CLUAP1: variants seen among roughly 807,000 people sequenced by gnomAD.
CLUAP1 encodes intraflagellar transport 38, also known as clusterin-associated protein 1.
A neutral mutation model predicts 55.0 loss-of-function variants in CLUAP1; 50 were observed. The observed-to-expected ratio is 0.91, with a 90% CI of 0.72 to 1.15. CLUAP1 has a LOEUF of 1.15. Ranked by LOEUF, CLUAP1 falls within the 50% of genes most tolerant of loss-of-function variation. CLUAP1 has a pLI of 0.00. For synonymous variants in CLUAP1, 195 were observed against 175.4 expected, an observed-to-expected ratio of 1.11 and a Z score of -0.88; for missense variants, 530 against 507.6, an observed-to-expected ratio of 1.04 and a Z score of -0.42.
chr16:3,530,057 A>G (rs1454396937), intron 9 of CLUAP1, among the ~76,000 whole-genome samples: 1 of 149,730 alleles, frequency 6.7e-6, no homozygotes, highest in African/African-American at 2.5e-5. Context: ...CCCAAGATCA[A>G]GGAGCTGCAT....
intron 6 of CLUAP1, among the ~76,000 whole-genome samples, chr16:3,517,425 A>G (rs1030767158): frequency 1.3e-4 from 20 of 151,160 alleles, no homozygotes; most frequent in East Asian, 9.7e-4. Context: ...TCGTGCCTCA[A>G]CCTCCCAAAT....
intron 6 of CLUAP1, among the ~76,000 whole-genome samples, chr16:3,515,877 TTTTG>T (rs139465484): frequency 6.6e-6 from 1 of 152,370 alleles, no homozygotes; most frequent in East Asian, 1.9e-4. Flanking sequence ...CTCTATTTTA[TTTTG>T]TTTAACCAAT....
chr16:3,513,143 C>G (rs926579569), intron 5 of CLUAP1, among the ~76,000 whole-genome samples: 1 of 152,178 alleles, frequency 6.6e-6, no homozygotes, highest in African/African-American at 2.4e-5. Context: ...TGCAGTTCCC[C>G]GACCTTGCTG....
chr16:3,527,728 T>G (rs2037974343), intron 9 of CLUAP1, among the ~76,000 whole-genome samples: 1 of 152,100 alleles, frequency 6.6e-6, no homozygotes, highest in Non-Finnish European at 1.5e-5. Flanking sequence ...GCCTTTTAGA[T>G]AGTAGTAGCA....
At chr16:3,518,278 G>A (rs1212101051) in intron 6 of CLUAP1, among the ~76,000 whole-genome samples, 4 of 152,116 alleles carry the variant, frequency 2.6e-5, no homozygotes, top group African/African-American at 4.8e-5. Context: ...AGGTGAACAC[G>A]GCATGAATGT....
upstream of CLUAP1, among the ~76,000 whole-genome samples, chr16:3,498,333 C>T (rs1229986286): frequency 9.9e-4 from 151 of 152,144 alleles, no homozygotes; most frequent in Non-Finnish European, 8.8e-5. Context: ...CTAATCTCTT[C>T]TGGAAACGCT....
chr16:3,499,113 C>T (rs2037341378), upstream of CLUAP1, among the ~76,000 whole-genome samples: 1 of 152,268 alleles, frequency 6.6e-6, no homozygotes, highest in African/African-American at 2.4e-5. Context: ...TGTTCAACAT[C>T]TTTAATCATC....
intron 1 of CLUAP1, among the ~76,000 whole-genome samples, chr16:3,502,781 G>C (rs912442192): frequency 2.6e-5 from 4 of 152,152 alleles, no homozygotes; most frequent in Non-Finnish European, 4.4e-5. Flanking sequence ...ATGGGGTTTT[G>C]TTGGGGAGCG....
chr16:3,528,809 C>CCGAAA lies in CLUAP1; in HGVS notation c.929-1759_929-1758insCGAAA, dbSNP rs150057494. Among the ~76,000 whole-genome samples the CCGAAA allele has an allele frequency of 3.7e-3, 562 of 152,190 alleles. 4 individuals are homozygous for CCGAAA. The highest frequency in any genetic ancestry group is 0.013 in the African/African-American group (532 of 41,500). On this transcript the variant is annotated intron_variant, in intron 9 of 11. Coordinates refer to ENST00000576634, the MANE Select transcript of CLUAP1 (RefSeq NM_015041.3). Reference sequence around the variant, plus strand: ...TCCAACTTCATTCTTTTGCATGTGGCTATTCGGTTGTCCTATTATCATTTG... The same window carrying CCGAAA: ...TCCAACTTCATTCTTTTGCATGTGGCCGAAATATTCGGTTGTCCTATTATCATTTG...
chr16:3,537,116 T>C lies in CLUAP1; in HGVS notation c.*845T>C, dbSNP rs1317524484. On this transcript the variant is annotated 3_prime_UTR_variant, in exon 12 of 12. Transcript: ENST00000576634. ...CAGCCAGGGTTTCTCTAAAGGAGCT[T>C]TGTTTTGTCTAAAGTGTGGCAAGAC... 6.6e-6 allele frequency: 1 copy of C among 152,202 alleles called. No individual in the cohort carries two copies. Among genetic ancestry groups the C allele is most frequent in the East Asian group, 1.9e-4 (1 of 5,206 alleles). 9.4% of individuals were successfully genotyped at this position (152,202 alleles called of 1,614,324 possible). A position where few individuals can be genotyped will look rare whatever the true frequency, so the allele number is the denominator to read the frequency against.
intron 11 of CLUAP1, chr16:3,534,674 G>C (rs1194694247): frequency 1.3e-5 from 2 of 152,298 alleles, no homozygotes; most frequent in Non-Finnish European, 2.9e-5. Context: ...TTTGTGAATT[G>C]ATTGGACATA....
At chr16:3,506,603 G>A (rs530994190) in intron 3 of CLUAP1, among the ~76,000 whole-genome samples, 188 bp downstream of exon 3, 3 of 152,058 alleles carry the variant, frequency 2.0e-5, no homozygotes, top group South Asian at 4.2e-4. Flanking sequence ...CCGTCTCCTC[G>A]GGGGTTCTCC....
chr16:3,500,904 C>T (rs1030913665), upstream of CLUAP1: 4 of 728,118 alleles, frequency 5.5e-6, no homozygotes, highest in African/African-American at 3.6e-5. Context: ...CCGCTCTCCC[C>T]GTGCGTATGC....
chr16:3,505,374 C>CA (rs1278416177), intron 2 of CLUAP1, among the ~76,000 whole-genome samples: 2 of 151,608 alleles, frequency 1.3e-5, no homozygotes, highest in Non-Finnish European at 2.9e-5. Flanking sequence ...ATTAAAAACA[C>CA]AAAAAATTAG....
intron 1 of CLUAP1, among the ~76,000 whole-genome samples, chr16:3,502,980 C>T (rs1413509380): frequency 6.6e-6 from 1 of 152,012 alleles, no homozygotes; most frequent in Non-Finnish European, 1.5e-5. Flanking sequence ...AAGGCTGCTG[C>T]TTTCTTTTCT....
At chr16:3,505,338 G>A (rs541693128) in intron 2 of CLUAP1, among the ~76,000 whole-genome samples, 28 of 152,164 alleles carry the variant, frequency 1.8e-4, no homozygotes, top group African/African-American at 6.5e-4. Context: ...AGACCATCCT[G>A]GCTAACACGG....
At chr16:3,529,775 ATATAT>A (rs2038065589) in intron 9 of CLUAP1, among the ~76,000 whole-genome samples, 2 of 43,512 alleles carry the variant, frequency 4.6e-5, no homozygotes, top group East Asian at 1.8e-3. Flanking sequence ...TTATATTATT[ATATAT>A]TATATAATAT....
chr16:3,504,007 T>A (rs1567421174), intron 1 of CLUAP1, among the ~76,000 whole-genome samples: 1 of 151,278 alleles, frequency 6.6e-6, no homozygotes, highest in African/African-American at 2.4e-5. Flanking sequence ...ATATGGGAAC[T>A]CAACAAATGT....
chr16:3,512,092 A>G lies in CLUAP1; in HGVS notation c.400-291A>G, dbSNP rs192101170. Among the ~76,000 whole-genome samples, 613 of 151,982 alleles carry G rather than the reference A, an allele frequency of 4.0e-3. 1 individual carries two copies. The highest frequency in any genetic ancestry group is 6.5e-3 in the Non-Finnish European group (445 of 67,970). ...TCCCAGCCACTTGGGAGGCTGAGGC[A>G]GGAAAATTACTTGAACCTGGGAGGT... On this transcript the variant is annotated intron_variant, in intron 4 of 11. Coordinates refer to ENST00000576634, the MANE Select transcript of CLUAP1 (RefSeq NM_015041.3).
Sources: allele counts gnomAD v4.1 joint callset (sites outside exome capture counted in the v4.1 genomes callset), GRCh38; gene constraint gnomAD v4.1.1; transcripts MANE v1.5; gene names NCBI Gene and HGNC (gene_info 2026-07-23, HGNC 2026-07-21).